The following AOAH variants were observed in gnomAD, a reference collection of about 807,000 sequenced individuals.
The protein encoded by AOAH is acyloxyacyl hydrolase.
Under a neutral mutation model 92.2 loss-of-function variants are expected in AOAH, and 64 were observed. The ratio of observed to expected loss-of-function variants is 0.69; its 90% confidence interval spans 0.57 to 0.86. The LOEUF (loss-of-function observed/expected upper bound fraction) is 0.86, where lower values mean the gene tolerates loss of function less well. Among genes scored for constraint, AOAH ranks in the 40% least tolerant of loss-of-function variants. The pLI, the probability that AOAH is intolerant of heterozygous loss-of-function variation, is 0.00. For synonymous variants in AOAH, 263 were observed against 254.5 expected, an observed-to-expected ratio of 1.03 and a Z score of -0.32; for missense variants, 656 against 694.6, an observed-to-expected ratio of 0.94 and a Z score of 0.62.
At chr7:36,712,958 C>T (rs987004367) in intron 1 of AOAH, among the ~76,000 whole-genome samples, 3 of 152,130 alleles carry the variant, frequency 2.0e-5, no homozygotes, top group Non-Finnish European at 4.4e-5. Context: ...ATCATAATGA[C>T]AGGATCAAAT....
intron 11 of AOAH, among the ~76,000 whole-genome samples, chr7:36,607,784 G>C (rs1354026297): frequency 6.6e-6 from 1 of 152,172 alleles, no homozygotes; most frequent in East Asian, 1.9e-4. Flanking sequence ...CCTTCCTCTT[G>C]CTGGCTGAGA....
At chr7:36,556,820 T>C (rs1786763378) in intron 13 of AOAH, among the ~76,000 whole-genome samples, 1 of 146,894 alleles carries the variant, frequency 6.8e-6, no homozygotes, top group Admixed American at 6.9e-5. Flanking sequence ...TGCCTTTTTT[T>C]GTTTTCCATT....
intron 19 of AOAH, among the ~76,000 whole-genome samples, chr7:36,523,480 T>C (rs1691393484): frequency 6.6e-6 from 1 of 152,178 alleles, no homozygotes; most frequent in Admixed American, 6.5e-5. Flanking sequence ...TAAACAGCAC[T>C]CACTCTCATG....
intron 1 of AOAH, among the ~76,000 whole-genome samples, chr7:36,700,850 G>A (rs1452296589): frequency 6.6e-6 from 1 of 151,874 alleles, no homozygotes; most frequent in Non-Finnish European, 1.5e-5. Flanking sequence ...CATCTGTTAT[G>A]TTTTGACTTT....
intron 1 of AOAH, among the ~76,000 whole-genome samples, chr7:36,703,463 T>A (rs1252057816): frequency 1.3e-5 from 2 of 152,206 alleles, no homozygotes; most frequent in Admixed American, 6.5e-5. Context: ...GTTACATGGG[T>A]ATACACGTGC....
chr7:36,717,719 C>CTCT (rs1386421466), intron 1 of AOAH, among the ~76,000 whole-genome samples: 1 of 125,322 alleles, frequency 8.0e-6, no homozygotes. Context: ...TCCTCTTTTT[C>CTCT]TCTTCTTATT....
In AOAH at chr7:36,633,116, C is replaced by A. The variant is rs1793252074; in HGVS notation, c.451-1010G>T. 3.3e-5 allele frequency among the ~76,000 whole-genome samples: 5 copies of A among 152,182 alleles called. No individual in the cohort carries two copies. In the South Asian group the frequency reaches 6.2e-4, roughly 19 times the overall value. On this transcript the variant is annotated intron_variant, in intron 5 of 20. Coordinates refer to ENST00000617537, the MANE Select transcript of AOAH (RefSeq NM_001637.4). ...GGAACCTGGAGGAGAATGCAGATGA[C>A]CCTGCAGTGAGGTGGGATAGAGGCA... is the stretch of plus-strand genomic sequence containing the variant.
At chr7:36,533,123 G>T (rs938720995) in intron 16 of AOAH, among the ~76,000 whole-genome samples, 3 of 152,070 alleles carry the variant, frequency 2.0e-5, no homozygotes, top group Admixed American at 1.3e-4. Flanking sequence ...ATCTGTGGGG[G>T]TGATTTCTTC....
intron 20 of AOAH, among the ~76,000 whole-genome samples, chr7:36,517,156 G>GTCTGTCTTTCTTTCTTTCTTTCTT (rs1554360834): frequency 2.0e-4 from 19 of 95,430 alleles, no homozygotes; most frequent in African/African-American, 3.7e-4. Flanking sequence ...ATCCATGTTA[G>GTCTGTCTTTCTTTCTTTCTTTCTT]TCTTTCTTTC....
At chr7:36,668,318 T>A (rs916667604) in intron 3 of AOAH, among the ~76,000 whole-genome samples, 2 of 152,186 alleles carry the variant, frequency 1.3e-5, no homozygotes, top group African/African-American at 4.8e-5. Context: ...TTTAACACAG[T>A]CTTGTCTACG....
intron 1 of AOAH, among the ~76,000 whole-genome samples, chr7:36,717,727 ATTT>A (rs10624883): frequency 7.3e-5 from 9 of 122,756 alleles, no homozygotes; most frequent in Non-Finnish European, 1.2e-4. Context: ...TTCTCTTCTT[ATTT>A]TTTTTTTTTT....
intron 13 of AOAH, among the ~76,000 whole-genome samples, chr7:36,560,838 A>T (rs1787206540): frequency 6.6e-6 from 1 of 152,150 alleles, no homozygotes; most frequent in Middle Eastern, 3.2e-3. Flanking sequence ...CTGCCTAGGA[A>T]TTATTAAAAT....
At chr7:36,514,769 C>T (rs1790242625) in intron 20 of AOAH, 4 of 562,878 alleles carry the variant, frequency 7.1e-6, no homozygotes, top group Middle Eastern at 9.9e-4. Flanking sequence ...CTTTTCCCCA[C>T]AGGGCAGCTC....
intron 16 of AOAH, among the ~76,000 whole-genome samples, chr7:36,538,384 G>T (rs1048291473): frequency 2.0e-5 from 3 of 152,120 alleles, no homozygotes; most frequent in Admixed American, 2.0e-4. Flanking sequence ...AAATTGCATG[G>T]AGTCATTCTT....
intron 3 of AOAH, among the ~76,000 whole-genome samples, chr7:36,672,473 A>G (rs1795994860): frequency 1.3e-5 from 2 of 152,266 alleles, no homozygotes; most frequent in South Asian, 4.1e-4. Context: ...CCTTTGCAGG[A>G]CACGGATGAA....
chr7:36,606,475 C>T lies in AOAH; in HGVS notation c.846+9905G>A, dbSNP rs115706268. On this transcript the variant is annotated intron_variant, in intron 11 of 20. Transcript: ENST00000617537. The stretch of plus-strand genomic sequence containing the variant: ...CTACAGACAACAGCCTGCCAGGGGT[C>T]GTGCAAAGATTTTATAATGGGATAG... Among the ~76,000 whole-genome samples the T allele has an allele frequency of 3.4e-3, 511 of 152,244 alleles. 2 individuals are homozygous for T. The highest frequency in any genetic ancestry group is 0.011 in the African/African-American group (453 of 41,542).
Position 36,540,423 on chromosome 7 carries a change from T to G in AOAH, c.1202A>C (p.Lys401Thr), listed in dbSNP as rs1309049284. The change falls in exon 16 of 21, where the codon AAG becomes ACG. Residue 401 changes from lysine to threonine, a missense_variant. Physicochemically the swap from Lys to Thr is moderately conservative, Grantham distance 78 (BLOSUM62 -1). Transcript: ENST00000617537. ...KLYSNVMQTL[K>T]HLNSHLPNGS... ...ATTGGGCAGGTGGGAATTTAGATGC[T>G]TCAGAGTCTGCATGACGTTGGAGTA... 1.2e-6 allele frequency: 2 copies of G among 1,614,048 alleles called. No homozygotes were observed. Among genetic ancestry groups the G allele is most frequent in the Admixed American group, 3.3e-5 (2 of 60,016 alleles).
At chr7:36,608,729 G>C (rs2115821565) in intron 11 of AOAH, among the ~76,000 whole-genome samples, 1 of 152,326 alleles carries the variant, frequency 6.6e-6, no homozygotes. Flanking sequence ...TGTGGAGTGA[G>C]CTTGGCATGT....
intron 6 of AOAH, among the ~76,000 whole-genome samples, chr7:36,627,432 T>C (rs1210170524): frequency 1.3e-5 from 2 of 152,250 alleles, no homozygotes; most frequent in African/African-American, 2.4e-5. Context: ...CCAGTTCTGC[T>C]GTCTCCTTGT....
Sources: allele counts gnomAD v4.1 joint callset (sites outside exome capture counted in the v4.1 genomes callset), GRCh38; gene constraint gnomAD v4.1.1; transcripts MANE v1.5; gene names NCBI Gene and HGNC (gene_info 2026-07-23, HGNC 2026-07-21).